The following PPEF1 variants were observed in gnomAD, a reference collection of about 807,000 sequenced individuals.
PPEF1 encodes the protein protein phosphatase with EF-hand domain 1, also known as serine/threonine-protein phosphatase with EF-hands 1.
Under a neutral mutation model 53.3 loss-of-function variants are expected in PPEF1, and 12 were observed. The ratio of observed to expected loss-of-function variants is 0.23; its 90% CI spans 0.14 to 0.36. The LOEUF is 0.36. PPEF1 is among the 10% of genes least tolerant of loss of function. The pLI is 1.00. For missense variants in PPEF1, 334 were observed against 490.4 expected (o/e 0.68, Z 3.01); for synonymous variants, 165 against 176.7 (o/e 0.93, Z 0.52).
intron 9 of PPEF1, 133 bp from the exon 10 acceptor site, chrX:18,788,988 A>G (rs1300569856): frequency 3.9e-6 from 3 of 764,280 alleles, no homozygotes; most frequent in Admixed American, 6.0e-5. Context: ...GGTGGACGAG[A>G]TGCAAAAAGT....
chrX:18,821,236 A>G (rs1189512409), intron 13 of PPEF1, among the ~76,000 whole-genome samples: 1 of 109,741 alleles, frequency 9.1e-6, no homozygotes, highest in African/African-American at 3.3e-5. Context: ...AAAAAAAAAA[A>G]AAAAGAAATA....
intron 1 of PPEF1, among the ~76,000 whole-genome samples, chrX:18,719,373 G>T (rs1280564998): frequency 9.6e-6 from 1 of 104,027 alleles, no homozygotes; most frequent in Admixed American, 1.1e-4. Context: ...TTGACACAGG[G>T]TCTCACTCTG....
intron 10 of PPEF1, among the ~76,000 whole-genome samples, chrX:18,794,171 T>C (rs1452160785): frequency 8.8e-6 from 1 of 113,230 alleles, no homozygotes; most frequent in Non-Finnish European, 1.9e-5. Context: ...GCTTTAACCA[T>C]GTTTGAGGCT....
chrX:18,756,969 G>T (rs1277461735), intron 4 of PPEF1, among the ~76,000 whole-genome samples: 1 of 111,269 alleles, frequency 9.0e-6, no homozygotes, highest in East Asian at 2.8e-4. Flanking sequence ...CAACACTTTG[G>T]GAGGCTGAGG....
intron 12 of PPEF1, among the ~76,000 whole-genome samples, chrX:18,816,149 A>C (rs1258158551): frequency 9.1e-6 from 1 of 109,957 alleles, no homozygotes; most frequent in Non-Finnish European, 1.9e-5. Context: ...TATAGCTATA[A>C]ATTTTTATCT....
chrX:18,711,004 A>G (rs1179146061), intron 1 of PPEF1, among the ~76,000 whole-genome samples: 9 of 107,816 alleles, frequency 8.3e-5, no homozygotes, highest in Non-Finnish European at 1.3e-4. Context: ...GTGTGTATAT[A>G]TGTGTGTGTG....
intron 2 of PPEF1, 125 bp from the exon 3 acceptor site, chrX:18,733,623 A>G: frequency 1.9e-6 from 1 of 522,123 alleles, no homozygotes; most frequent in East Asian, 4.0e-5. Context: ...GACCCTTAGC[A>G]CCTGCAGCAG....
At chrX:18,791,324 G>A (rs1405946835) in intron 10 of PPEF1, among the ~76,000 whole-genome samples, 1 of 111,565 alleles carries the variant, frequency 9.0e-6, no homozygotes, top group South Asian at 3.7e-4. Flanking sequence ...GGTCAATTTG[G>A]GTACTATGGC....
At chrX:18,703,583 C>T (rs867305710), upstream of PPEF1, among the ~76,000 whole-genome samples, 1 of 112,203 alleles carries the variant, frequency 8.9e-6, no homozygotes, top group African/African-American at 3.2e-5. Context: ...TTAGCATTAT[C>T]CAACATCTGC....
At chrX:18,704,443 TC>T (rs2044154418), upstream of PPEF1, among the ~76,000 whole-genome samples, 1 of 110,036 alleles carries the variant, frequency 9.1e-6, no homozygotes, top group Non-Finnish European at 1.9e-5. Flanking sequence ...GGAATCTGCA[TC>T]CCCCCACCCC....
upstream of PPEF1, among the ~76,000 whole-genome samples, chrX:18,705,239 T>C (rs368893898): frequency 2.1e-3 from 232 of 111,572 alleles, 1 homozygote; most frequent in African/African-American, 7.2e-3. Context: ...TTATGATAGG[T>C]GAGTTTACCA....
chrX:18,716,927 T>G lies in PPEF1; in HGVS notation c.46+9101T>G, dbSNP rs992019304. Among the ~76,000 whole-genome samples the G allele has an allele frequency of 1.3e-4, 14 of 110,812 alleles. No individual in the cohort carries two copies. In the Admixed American group the frequency reaches 1.3e-3, roughly 11 times the overall value. ...TTCAAGTCCATTGTCCCTCTAAGAC[T>G]ATCCGTATGCTCTGTAGCTGTGGGA... On this transcript the variant is annotated intron_variant, in intron 1 of 15. Coordinates refer to ENST00000470157, the MANE Select transcript of PPEF1 (RefSeq NM_001377996.1).
At position 18,782,530 on chromosome X, in the gene PPEF1, G is replaced by A. The variant is rs1487116238; in HGVS notation, c.762+128G>A. The A allele has an allele frequency of 8.4e-6, 4 of 477,711 alleles. No homozygotes were observed. The African/African-American group carries it at 1.0e-4, about 12-fold the overall frequency. 39.4% of individuals were successfully genotyped at this position (477,711 alleles called of 1,213,427 possible). ...AATAGGCCAACTAGTCAGAATGCAT[G>A]CCAATAAAATACAAGCACAGCAGGA... On this transcript the variant is annotated intron_variant, in intron 8 of 15. Coordinates refer to ENST00000470157, the MANE Select transcript of PPEF1 (RefSeq NM_001377996.1).
intron 3 of PPEF1, among the ~76,000 whole-genome samples, chrX:18,734,758 G>C (rs2044930970): frequency 9.0e-6 from 1 of 111,482 alleles, no homozygotes; most frequent in Non-Finnish European, 1.9e-5. Flanking sequence ...GTGTAAAACT[G>C]TTCCTATTTC....
chrX:18,777,203 A>G (rs1483087988), intron 6 of PPEF1, among the ~76,000 whole-genome samples: 2 of 112,172 alleles, frequency 1.8e-5, no homozygotes, highest in Non-Finnish European at 3.8e-5. Flanking sequence ...ACACTATGCC[A>G]TTGCTTGTTT....
rs149789413 is a variant in PPEF1 at position 18,801,001 on chromosome X, G to A, written c.1066-2891G>A. 8.0e-5 allele frequency among the ~76,000 whole-genome samples: 9 copies of A among 111,805 alleles called. No homozygotes were observed. The East Asian group carries it at 2.5e-3, about 31-fold the overall frequency. ...TCTTTCCTCCATCATTATATTACAG[G>A]TCGAATTATGTCCCTAAACATGACA... On this transcript the variant is annotated intron_variant, in intron 10 of 15. Transcript: ENST00000470157.
rs1297962987 is a variant in PPEF1, at chrX:18,757,661, T to C, written c.431T>C (p.Phe144Ser). 4 of 1,209,208 alleles carry C rather than the reference T, an allele frequency of 3.3e-6. No individual in the cohort carries two copies. Among genetic ancestry groups the C allele is most frequent in the African/African-American group, 3.5e-5 (2 of 57,129 alleles). The change falls in exon 5 of 16, where the codon TTT (phenylalanine) becomes TCT (serine). Residue 144 changes from phenylalanine to serine, a missense_variant. Physicochemically the swap from Phe to Ser is radical, Grantham distance 155. Coordinates refer to ENST00000470157, the MANE Select transcript of PPEF1 (RefSeq NM_001377996.1). The part of the protein sequence containing the change: ...LHAHYVLEVL[F>S]ETKKVLKQMP... The stretch of plus-strand genomic sequence containing the variant: ...GCCCATTATGTCTTAGAGGTGCTAT[T>C]TGAAACCAAGAAAGTCCTGAAGCAA...
intron 1 of PPEF1, among the ~76,000 whole-genome samples, chrX:18,728,860 A>G (rs968272395): frequency 5.4e-5 from 6 of 111,964 alleles, no homozygotes; most frequent in African/African-American, 1.9e-4. Context: ...TGTTATAGTC[A>G]ACTCTTATTT....
chrX:18,757,592 T>A, intron 4 of PPEF1, 35 bp from the exon 5 acceptor site: 1 of 1,052,115 alleles, frequency 9.5e-7, no homozygotes, highest in Non-Finnish European at 1.3e-6. Context: ...TCTTCCTTGT[T>A]CATTACATCT....
Sources: allele counts gnomAD v4.1 joint callset (sites outside exome capture counted in the v4.1 genomes callset), GRCh38; gene constraint gnomAD v4.1.1; transcripts MANE v1.5; gene names NCBI Gene and HGNC (gene_info 2026-07-23, HGNC 2026-07-21).